The following RANBP2 variants were observed in gnomAD, a reference collection of about 807,000 sequenced individuals.
RANBP2 encodes RAN binding protein 2, also known as E3 SUMO-protein ligase RanBP2.
Under a neutral mutation model 303.6 loss-of-function variants are expected in RANBP2, and 57 were observed. The observed-to-expected ratio is 0.19, with a 90% confidence interval of 0.15 to 0.23. The LOEUF (loss-of-function observed/expected upper bound fraction) is 0.23. Ranked by LOEUF, RANBP2 falls within the 10% of genes least tolerant of loss-of-function variation. The pLI, the probability that RANBP2 is intolerant of heterozygous loss-of-function variation, is 1.00. For synonymous variants in RANBP2, 1,167 were observed against 1,301.5 expected, an observed-to-expected ratio of 0.90 and a Z score of 2.23; for missense variants, 3,138 against 3,780.8, an observed-to-expected ratio of 0.83 and a Z score of 4.46.
At chr2:109,737,034 T>C in the RANBP2 span, 3 of 422,078 alleles carry the variant, frequency 7.1e-6, no homozygotes, top group African/African-American at 2.1e-5. Flanking sequence ...TGATTTCCAA[T>C]TTTCTCTTCA....
At chr2:109,179,002 A>AGTGTGTGTGTGTGT in the RANBP2 span, among the ~76,000 whole-genome samples, 3 of 47,174 alleles carry the variant, frequency 6.4e-5, no homozygotes, top group Non-Finnish European at 1.8e-4. Flanking sequence ...AAAGTATAAT[A>AGTGTGTGTGTGTGT]ATGTGTGTGT....
At chr2:109,289,153 C>A in the RANBP2 span, among the ~76,000 whole-genome samples, 2 of 152,286 alleles carry the variant, frequency 1.3e-5, no homozygotes, top group African/African-American at 4.8e-5. Flanking sequence ...ACTATCTCCT[C>A]CTCCATCCCC....
the RANBP2 span, among the ~76,000 whole-genome samples, chr2:109,473,982 T>C: frequency 6.6e-6 from 1 of 152,150 alleles, no homozygotes; most frequent in Non-Finnish European, 1.5e-5. Flanking sequence ...TCCTGGAAGG[T>C]GCTGGAGGCC....
At chr2:109,124,845 C>A in the RANBP2 span, among the ~76,000 whole-genome samples, 2 of 152,178 alleles carry the variant, frequency 1.3e-5, no homozygotes, top group East Asian at 1.9e-4. Context: ...CGGTGCAATG[C>A]CTGGCGGAGA....
In RANBP2 at chr2:108,781,324, C is replaced by T. The variant is rs201471526; in HGVS notation, c.8655C>T (p.Val2885=). 16 of 1,613,912 alleles carry T rather than the reference C, an allele frequency of 9.9e-6. No individual in the cohort carries two copies. The highest frequency in any genetic ancestry group is 2.2e-5 in the East Asian group (1 of 44,888). ...CAGCTGTGTTTGGAACACAGTCAGTCGGAACCCAGTCAGCCGGTAAAGTTG... is the reference window on the plus strand; with the variant it reads ...CAGCTGTGTTTGGAACACAGTCAGTTGGAACCCAGTCAGCCGGTAAAGTTG... ...TGAAVFGTQS[V]GTQSAGKVGE... is the part of the protein sequence containing the mutation. Residue 2885 remains valine, a synonymous_variant, in exon 26 of 29, where the codon GTC becomes GTT. Coordinates refer to ENST00000283195, the MANE Select transcript of RANBP2 (RefSeq NM_006267.5).
chr2:109,478,733 C>T, the RANBP2 span, among the ~76,000 whole-genome samples: 3 of 152,284 alleles, frequency 2.0e-5, no homozygotes, highest in Admixed American at 2.0e-4. Context: ...GTAAGATCTT[C>T]TTGCTCAGAG....
chr2:109,567,748 T>C, the RANBP2 span: 84 of 1,429,558 alleles, frequency 5.9e-5, no homozygotes, highest in Middle Eastern at 1.0e-3. Context: ...TTAGCAGCAA[T>C]ATTACTCACA....
chr2:109,156,960 G>A, the RANBP2 span, among the ~76,000 whole-genome samples: 66 of 152,252 alleles, frequency 4.3e-4, no homozygotes, highest in Non-Finnish European at 8.4e-4. Context: ...TACCAATAAG[G>A]TTAATAAAGG....
the RANBP2 span, among the ~76,000 whole-genome samples, chr2:109,278,863 G>A: frequency 1.3e-5 from 2 of 152,188 alleles, no homozygotes; most frequent in African/African-American, 4.8e-5. Context: ...GTGTGGGGAC[G>A]TGCACTCTGC....
chr2:109,680,079 C>T, the RANBP2 span, among the ~76,000 whole-genome samples: 2 of 151,844 alleles, frequency 1.3e-5, no homozygotes, highest in African/African-American at 2.4e-5. Context: ...GGTGTGATGG[C>T]TCACACCTGT....
chr2:108,756,334 TG>T (rs1383501117), intron 17 of RANBP2, among the ~76,000 whole-genome samples: 1 of 152,260 alleles, frequency 6.6e-6, no homozygotes, highest in African/African-American at 2.4e-5. Context: ...GAAATAGTTA[TG>T]TATATATATC....
chr2:109,391,177 G>A, the RANBP2 span, among the ~76,000 whole-genome samples: 70 of 152,322 alleles, frequency 4.6e-4, 1 homozygote, highest in Non-Finnish European at 7.9e-4. Context: ...CAGGCTTTAC[G>A]TGCAAAATTA....
chr2:109,187,401 G>A, the RANBP2 span, among the ~76,000 whole-genome samples: 1 of 151,456 alleles, frequency 6.6e-6, no homozygotes, highest in Non-Finnish European at 1.5e-5. Flanking sequence ...AAGCTAAGAT[G>A]GTGCTTAAGG....
chr2:108,942,844 C>T, the RANBP2 span, among the ~76,000 whole-genome samples: 52 of 152,236 alleles, frequency 3.4e-4, no homozygotes. Context: ...TTTTCAGGCT[C>T]CCAGTCTTTT....
At chr2:109,611,356 G>A in the RANBP2 span, among the ~76,000 whole-genome samples, 1 of 151,798 alleles carries the variant, frequency 6.6e-6, no homozygotes, top group Non-Finnish European at 1.5e-5. Context: ...GAAAACTTTT[G>A]CTTTGCAAAA....
the RANBP2 span, among the ~76,000 whole-genome samples, chr2:109,598,945 G>A: frequency 6.6e-6 from 1 of 151,836 alleles, no homozygotes; most frequent in Non-Finnish European, 1.5e-5. Context: ...AGGAGGGTGG[G>A]GTATTTGGCT....
chr2:109,597,577 C>G, the RANBP2 span, among the ~76,000 whole-genome samples: 1 of 149,416 alleles, frequency 6.7e-6, no homozygotes, highest in South Asian at 2.2e-4. Flanking sequence ...CCTTTGACTA[C>G]ACAGTCAATT....
the RANBP2 span, among the ~76,000 whole-genome samples, chr2:109,357,840 T>C: frequency 6.6e-6 from 1 of 152,198 alleles, no homozygotes; most frequent in African/African-American, 2.4e-5. Context: ...CCTCTGCCCC[T>C]ACATGCAAAG....
rs930714588 is a variant in RANBP2, at chr2:108,785,375, A to G, written c.*1474A>G. The G allele has an allele frequency of 3.3e-5, 5 of 152,208 alleles. No individual in the cohort carries two copies. The highest frequency in any genetic ancestry group is 3.3e-4 in the Admixed American group (5 of 15,282). The allele number at this position is 152,208 out of a possible 1,614,324, so 9.4% of individuals were successfully genotyped here. A position where few individuals can be genotyped will look rare whatever the true frequency, so the allele number is the denominator to read the frequency against. Reference sequence around the variant, plus strand: ...ATATTTCAAATTGGCTTATTTGGAAATCTATGTAATATAAACTGATGTAAA... The same window carrying G: ...ATATTTCAAATTGGCTTATTTGGAAGTCTATGTAATATAAACTGATGTAAA... On this transcript the variant is annotated 3_prime_UTR_variant, in exon 29 of 29. Transcript: ENST00000283195.
Sources: allele counts gnomAD v4.1 joint callset (sites outside exome capture counted in the v4.1 genomes callset), GRCh38; gene constraint gnomAD v4.1.1; transcripts MANE v1.5; gene names NCBI Gene and HGNC (gene_info 2026-07-23, HGNC 2026-07-21).